ARHGAP29: variants seen among roughly 807,000 people sequenced by gnomAD.
ARHGAP29 encodes rho GTPase-activating protein 29.
A neutral mutation model predicts 122.6 loss-of-function variants in ARHGAP29; 43 were observed. That is an observed-to-expected ratio of 0.35 (90% confidence interval 0.27 to 0.45). ARHGAP29 has a LOEUF of 0.45. ARHGAP29 is among the 20% of genes least tolerant of loss of function. The pLI is 1.00. For missense variants in ARHGAP29, 1,303 were observed against 1,477.2 expected, an observed-to-expected ratio of 0.88 and a Z score of 1.93; for synonymous variants, 506 against 497.1, an observed-to-expected ratio of 1.02 and a Z score of -0.24.
chr1:94,277,520 T>G (rs75055066), upstream of ARHGAP29, among the ~76,000 whole-genome samples: 1,500 of 152,276 alleles, frequency 9.9e-3, 22 homozygotes, highest in African/African-American at 0.033. Context: ...AAGGAGTATT[T>G]TAAATATATT....
the ARHGAP29 span, among the ~76,000 whole-genome samples, chr1:94,294,469 G>A: frequency 6.6e-6 from 1 of 152,068 alleles, no homozygotes; most frequent in Admixed American, 6.5e-5. Flanking sequence ...TTTATTTTTT[G>A]TAGAGACACT....
the ARHGAP29 span, among the ~76,000 whole-genome samples, chr1:94,296,012 C>T: frequency 6.6e-6 from 1 of 152,176 alleles, no homozygotes; most frequent in Non-Finnish European, 1.5e-5. Context: ...GAAGACTTTT[C>T]TGGGAAGAAG....
In ARHGAP29 at chr1:94,174,375, T is replaced by C; in HGVS notation, c.3280A>G (p.Thr1094Ala). 1 of 1,614,188 alleles carries C rather than the reference T, an allele frequency of 6.2e-7. No homozygotes were observed. The highest frequency in any genetic ancestry group is 8.5e-7 in the Non-Finnish European group (1 of 1,180,046). The change falls in exon 23 of 23, where the codon ACT (threonine) becomes GCT (alanine). Residue 1094 changes from threonine to alanine, a missense_variant. Around this residue, in one of 3 missense-constraint regions of ARHGAP29, gnomAD observed 620 missense variants for 651.2 expected, o/e 0.95. Coordinates refer to ENST00000260526, the MANE Select transcript of ARHGAP29 (RefSeq NM_004815.4). ...AGTGCACTGGGCATGATCATTGTAG[T>C]CTTGGCAGTTAGGCTGTTTTGTTCA... ...QYEQNSLTAK[T>A]TMIMPSALQE...
chr1:94,181,966 TCA>T (rs1282097761), intron 19 of ARHGAP29, among the ~76,000 whole-genome samples: 2 of 152,336 alleles, frequency 1.3e-5, no homozygotes, highest in East Asian at 3.9e-4. Context: ...AATGATATTT[TCA>T]GTTTAAGTAA....
At chr1:94,195,709 A>G (rs891984089) in intron 12 of ARHGAP29, 1 of 152,110 alleles carries the variant, frequency 6.6e-6, no homozygotes, top group Non-Finnish European at 1.5e-5. Flanking sequence ...GATAGTGCCA[A>G]AATAGATTTT....
the ARHGAP29 span, among the ~76,000 whole-genome samples, chr1:94,283,931 T>A: frequency 0.051 from 7,738 of 152,188 alleles, 677 homozygotes; most frequent in African/African-American, 0.18. Context: ...GTGATGCAAT[T>A]AAGTGTGAAA....
chr1:94,185,079 T>C lies in ARHGAP29; in HGVS notation c.1921-19A>G. 1 of 1,594,476 alleles carries C rather than the reference T, an allele frequency of 6.3e-7. No homozygotes were observed. On this transcript the variant is annotated intron_variant, in intron 17 of 22. Coordinates refer to ENST00000260526, the MANE Select transcript of ARHGAP29 (RefSeq NM_004815.4). The stretch of plus-strand genomic sequence containing the variant: ...GGAGACACTACAAGAAAATGATAGT[T>C]TGAAACTGGTTAACCTTAAAACTAT...
At chr1:94,297,325 A>T in the ARHGAP29 span, among the ~76,000 whole-genome samples, 1 of 152,340 alleles carries the variant, frequency 6.6e-6, no homozygotes, top group Non-Finnish European at 1.5e-5. Context: ...TTTGTCACAC[A>T]TATTATTCAA....
intron 11 of ARHGAP29, 70 bp from the exon 12 acceptor site, chr1:94,201,927 A>G: frequency 7.4e-7 from 1 of 1,356,156 alleles, no homozygotes; most frequent in Non-Finnish European, 9.9e-7. Flanking sequence ...ACTATAGTAA[A>G]GCTAAGTTGA....
chr1:94,292,756 A>G, the ARHGAP29 span, among the ~76,000 whole-genome samples: 13,778 of 152,232 alleles, frequency 0.091, 678 homozygotes, highest in South Asian at 0.13. Flanking sequence ...TCCGCTCCAG[A>G]CCGTGTTTGC....
chr1:94,221,536 T>G (rs1416946990), intron 2 of ARHGAP29, among the ~76,000 whole-genome samples: 1 of 140,078 alleles, frequency 7.1e-6, no homozygotes, highest in African/African-American at 2.6e-5. Context: ...ATTATTTATA[T>G]AAGTATATAT....
intron 12 of ARHGAP29, 98 bp downstream of exon 12, chr1:94,201,622 C>A: frequency 6.7e-7 from 1 of 1,481,808 alleles, no homozygotes; most frequent in Non-Finnish European, 9.2e-7. Flanking sequence ...ATCCTCCCAC[C>A]TCAGCCTCCC....
At chr1:94,274,932 C>A (rs1451084113) in intron 1 of ARHGAP29, 1 of 152,188 alleles carries the variant, frequency 6.6e-6, no homozygotes, top group Non-Finnish European at 1.5e-5. Flanking sequence ...TTTTAAGGGT[C>A]TTGTTTTCTC....
chr1:94,178,302 G>A (rs756436372), intron 20 of ARHGAP29, 135 bp from the exon 21 acceptor site: 30 of 772,176 alleles, frequency 3.9e-5, no homozygotes, highest in Non-Finnish European at 5.2e-5. Context: ...CTAGGAAAAG[G>A]TTATATTTAT....
chr1:94,212,108 G>A (rs955191159), intron 3 of ARHGAP29, among the ~76,000 whole-genome samples: 11 of 152,092 alleles, frequency 7.2e-5, no homozygotes, highest in Non-Finnish European at 1.5e-4. Context: ...GCAAAACCCC[G>A]TCTCTACTAA....
chr1:94,194,821 A>C (rs1008634177), intron 12 of ARHGAP29: 4 of 152,246 alleles, frequency 2.6e-5, no homozygotes, highest in African/African-American at 9.6e-5. Context: ...TTACAATGCT[A>C]AATGATCTCA....
intron 20 of ARHGAP29, 106 bp downstream of exon 20, chr1:94,179,615 AAAAG>A: frequency 3.3e-5 from 21 of 645,604 alleles, no homozygotes; most frequent in South Asian, 1.4e-4. Flanking sequence ...AAAAAAAAAA[AAAAG>A]AATGGCTAAG....
intron 2 of ARHGAP29, among the ~76,000 whole-genome samples, chr1:94,220,757 T>C (rs1349643800): frequency 6.6e-6 from 1 of 152,190 alleles, no homozygotes; most frequent in African/African-American, 2.4e-5. Flanking sequence ...ATCCAGTAAC[T>C]CTTAGGCATA....
intron 22 of ARHGAP29, among the ~76,000 whole-genome samples, chr1:94,175,655 T>C (rs1649048593): frequency 6.6e-6 from 1 of 152,146 alleles, no homozygotes; most frequent in Admixed American, 6.6e-5. Context: ...CTTCCACACC[T>C]GGGACTGCTG....
Sources: allele counts gnomAD v4.1 joint callset (sites outside exome capture counted in the v4.1 genomes callset), GRCh38; gene constraint gnomAD v4.1.1; regional missense constraint gnomAD v4.1.1; transcripts MANE v1.5; gene names NCBI Gene and HGNC (gene_info 2026-07-23, HGNC 2026-07-21).